Variants in PCDH11Y observed in about 807,000 individuals in gnomAD.
PCDH11Y encodes the protein protocadherin 11 Y-linked.
For synonymous variants in PCDH11Y, 9 were observed against 83.6 expected (o/e 0.11, Z 4.87); for missense variants, 12 against 224.8 (o/e 0.05, Z 6.05).
intron 2 of PCDH11Y, among the ~76,000 whole-genome samples, chrY:5,458,613 T>C (rs2053300362): frequency 3.4e-5 from 1 of 29,394 alleles, no homozygotes; most frequent in Admixed American, 3.2e-4. Context: ...CTGGAATAGA[T>C]GAGGGGGATT....
chrY:5,611,830 G>A (rs1474380989), intron 4 of PCDH11Y, among the ~76,000 whole-genome samples: 1 of 9,165 alleles, frequency 1.1e-4, no homozygotes, highest in African/African-American at 4.2e-4. Context: ...GCGAGATTCC[G>A]TGGGCGTAGG....
intron 4 of PCDH11Y, among the ~76,000 whole-genome samples, chrY:5,737,011 A>G: frequency 3.1e-5 from 1 of 32,322 alleles, no homozygotes; most frequent in Non-Finnish European, 7.6e-5. Context: ...CAGATACAAT[A>G]AAAAATACCT....
At chrY:5,062,845 C>T in intron 1 of PCDH11Y, among the ~76,000 whole-genome samples, 1 of 32,968 alleles carries the variant, frequency 3.0e-5, no homozygotes, top group East Asian at 7.9e-4. Flanking sequence ...CTACTCACAT[C>T]ATGCCTCTTA....
rs1462620438 is a variant in PCDH11Y at position 5,535,781 on chromosome Y, T to C, written c.3328+34526T>C. ...GGATTGCTGGATCAAGTGATATTTC[T>C]ACTTTTAGTTTTTTAAGGAAACTGC... On this transcript the variant is annotated intron_variant, in intron 3 of 4. Coordinates refer to the PCDH11Y transcript ENST00000400457. 1.6e-3 allele frequency among the ~76,000 whole-genome samples: 54 copies of C among 33,886 alleles called. No homozygotes were observed. In the East Asian group the frequency reaches 0.037, roughly 23 times the overall value. The allele number at this position is 33,886 out of a possible 37,273, so 90.9% of individuals were successfully genotyped here.
chrY:5,336,428 G>A (rs1569476810), intron 2 of PCDH11Y, among the ~76,000 whole-genome samples: 1 of 29,833 alleles, frequency 3.4e-5, no homozygotes, highest in East Asian at 8.7e-4. Context: ...CTGCCACCTC[G>A]CCCGGCTAAT....
intron 4 of PCDH11Y, among the ~76,000 whole-genome samples, chrY:5,680,054 C>A: frequency 3.1e-5 from 1 of 31,779 alleles, no homozygotes; most frequent in African/African-American, 1.2e-4. Flanking sequence ...ATCCATCACC[C>A]TTAAGAAAAG....
At chrY:5,148,829 G>A in intron 2 of PCDH11Y, among the ~76,000 whole-genome samples, 3 of 32,110 alleles carry the variant, frequency 9.3e-5, no homozygotes, top group African/African-American at 3.6e-4. Context: ...AAACAGAAAG[G>A]TTGTATGGGT....
chrY:5,093,715 T>C (rs2052744883), intron 1 of PCDH11Y, among the ~76,000 whole-genome samples: 1 of 30,378 alleles, frequency 3.3e-5, no homozygotes, highest in African/African-American at 1.3e-4. Flanking sequence ...GAAATTGTTT[T>C]CTGGACAGTT....
intron 2 of PCDH11Y, among the ~76,000 whole-genome samples, chrY:5,272,772 A>T: frequency 3.1e-5 from 1 of 31,967 alleles, no homozygotes; most frequent in Non-Finnish European, 7.7e-5. Context: ...TCATTTCAAA[A>T]TACAAATAAT....
intron 2 of PCDH11Y, among the ~76,000 whole-genome samples, chrY:5,169,914 TA>T (rs2052884831): frequency 3.1e-5 from 1 of 32,254 alleles, no homozygotes; most frequent in Non-Finnish European, 7.7e-5. Context: ...ATCTTATTCA[TA>T]ACACAGTTAT....
At chrY:5,078,148 G>A in intron 1 of PCDH11Y, among the ~76,000 whole-genome samples, 2 of 31,628 alleles carry the variant, frequency 6.3e-5, no homozygotes, top group Non-Finnish European at 1.5e-4. Flanking sequence ...GTTAGTTTGC[G>A]GAGGATAATG....
intron 2 of PCDH11Y, among the ~76,000 whole-genome samples, chrY:5,195,114 C>G: frequency 3.0e-5 from 1 of 32,973 alleles, no homozygotes; most frequent in Non-Finnish European, 7.4e-5. Flanking sequence ...TCCACCCAAC[C>G]CAGAAGCCCA....
chrY:5,555,203 C>T, intron 3 of PCDH11Y, among the ~76,000 whole-genome samples: 1 of 32,978 alleles, frequency 3.0e-5, no homozygotes, highest in African/African-American at 1.2e-4. Flanking sequence ...TGCATGGGGC[C>T]TGTAGCCTCT....
At chrY:5,122,277 A>G (rs3876270) in intron 2 of PCDH11Y, among the ~76,000 whole-genome samples, 2,171 of 32,725 alleles carry the variant, frequency 0.066, no homozygotes, top group Non-Finnish European at 0.11. Context: ...GTCGGGGTCA[A>G]TTACCCCAGC....
chrY:5,584,578 A>AT (rs2053453461), intron 4 of PCDH11Y, among the ~76,000 whole-genome samples: 1 of 29,346 alleles, frequency 3.4e-5, no homozygotes, highest in East Asian at 9.0e-4. Context: ...TGGAAGATAT[A>AT]TTTTTTCTTT....
At chrY:5,310,844 A>G in intron 2 of PCDH11Y, among the ~76,000 whole-genome samples, 1 of 33,064 alleles carries the variant, frequency 3.0e-5, no homozygotes, top group Non-Finnish European at 7.4e-5. Context: ...ATAAAGATAT[A>G]TCATTTCAGG....
chrY:5,138,153 C>G, intron 2 of PCDH11Y, among the ~76,000 whole-genome samples: 1 of 32,434 alleles, frequency 3.1e-5, no homozygotes, highest in Non-Finnish European at 7.6e-5. Context: ...ACTAAATAAT[C>G]TGCTCTTGAA....
At chrY:5,122,844 C>T in intron 2 of PCDH11Y, among the ~76,000 whole-genome samples, 2 of 30,520 alleles carry the variant, frequency 6.6e-5, no homozygotes, top group Admixed American at 6.3e-4. Context: ...CTGTAAGACT[C>T]CTGTGTTTCT....
At chrY:5,317,218 T>C in intron 2 of PCDH11Y, among the ~76,000 whole-genome samples, 3 of 33,084 alleles carry the variant, frequency 9.1e-5, no homozygotes, top group Non-Finnish European at 2.2e-4. Flanking sequence ...TTTGCATTAT[T>C]TTGAGTTTCT....
Sources: gnomAD v4.1 joint callset for allele counts (sites outside exome capture counted in the v4.1 genomes callset) on GRCh38, gnomAD v4.1.1 for gene constraint, MANE v1.5 for transcripts, NCBI Gene and HGNC (gene_info 2026-07-23, HGNC 2026-07-21) for gene names.